The following CGNL1 variants were observed in gnomAD, a reference collection of about 807,000 sequenced individuals.
CGNL1 encodes the protein cingulin-like protein 1.
In CGNL1, 132 loss-of-function variants were observed where a neutral mutation model predicts 141.2. The ratio of observed to expected loss-of-function variants is 0.93; its 90% confidence interval spans 0.81 to 1.08. The LOEUF (loss-of-function observed/expected upper bound fraction) is 1.08. CGNL1 is among the 50% of genes least tolerant of loss of function. CGNL1 has a pLI of 0.00. For synonymous variants in CGNL1, 690 were observed against 622.1 expected (o/e 1.11, Z -1.63); for missense variants, 1,870 against 1,588.6 (o/e 1.18, Z -3.01).
intron 3 of CGNL1, 55 bp downstream of exon 3, chr15:57,440,526 T>A: frequency 1.5e-6 from 2 of 1,343,288 alleles, no homozygotes; most frequent in South Asian, 1.3e-5. Flanking sequence ...GTGGGACTCT[T>A]AATTTCCTTT....
At chr15:57,506,256 C>T (rs1328415354) in intron 8 of CGNL1, among the ~76,000 whole-genome samples, 4 of 152,200 alleles carry the variant, frequency 2.6e-5, no homozygotes, top group African/African-American at 9.6e-5. Context: ...TGGGTGGAGT[C>T]CCTTCCGCCA....
intron 3 of CGNL1, 33 bp from the exon 4 acceptor site, chr15:57,442,340 C>T: frequency 7.5e-7 from 1 of 1,341,624 alleles, no homozygotes; most frequent in Non-Finnish European, 1.1e-6. Context: ...GTGGTTGTGT[C>T]CCTCATTGTT....
intron 8 of CGNL1, among the ~76,000 whole-genome samples, chr15:57,468,212 CTT>C (rs1334012759): frequency 7.2e-6 from 1 of 139,148 alleles, no homozygotes. Flanking sequence ...TTTTTTCTTT[CTT>C]TTTCTTTTCT....
At chr15:57,472,136 G>T (rs1309273782) in intron 8 of CGNL1, among the ~76,000 whole-genome samples, 3 of 152,052 alleles carry the variant, frequency 2.0e-5, no homozygotes, top group African/African-American at 4.8e-5. Context: ...AGTTCAGGGA[G>T]GGAGAAAAAG....
intron 10 of CGNL1, among the ~76,000 whole-genome samples, chr15:57,518,731 C>T (rs1163506018): frequency 5.3e-5 from 8 of 152,190 alleles, no homozygotes; most frequent in Admixed American, 1.3e-4. Context: ...ATGCTACTGG[C>T]GCCTCGTGGG....
intron 1 of CGNL1, among the ~76,000 whole-genome samples, chr15:57,399,203 A>G (rs1382281301): frequency 6.6e-6 from 1 of 152,208 alleles, no homozygotes. Context: ...TGCATTGTGA[A>G]CATTTGAAAT....
chr15:57,396,376 T>C (rs7177920), intron 1 of CGNL1, among the ~76,000 whole-genome samples: 66,279 of 150,752 alleles, frequency 0.44, 14,782 homozygotes, highest in East Asian at 0.67. Flanking sequence ...TGGGTTCAGG[T>C]GATTCTTCTG....
rs943598317 is a variant in CGNL1 at position 57,506,592 on chromosome 15, C to T, written c.2404-10188C>T. On this transcript the variant is annotated intron_variant, in intron 8 of 18. Coordinates refer to ENST00000281282, the MANE Select transcript of CGNL1 (RefSeq NM_032866.5). Reference sequence around the variant, plus strand: ...CCCCAGCTGGCAGGTTCGGGGCCTCCTTTTCCCTTCCCTGGCTGGCTCTGG... The same window carrying T: ...CCCCAGCTGGCAGGTTCGGGGCCTCTTTTTCCCTTCCCTGGCTGGCTCTGG... Among the ~76,000 whole-genome samples the T allele has an allele frequency of 3.3e-5, 5 of 152,206 alleles. No individual in the cohort carries two copies. The South Asian group carries it at 1.0e-3, about 32-fold the overall frequency.
intron 1 of CGNL1, among the ~76,000 whole-genome samples, chr15:57,377,942 A>C (rs1393419387): frequency 1.3e-5 from 2 of 152,240 alleles, no homozygotes; most frequent in Non-Finnish European, 1.5e-5. Flanking sequence ...ATTTTCCTTC[A>C]AAAAGCCAAA....
intron 1 of CGNL1, among the ~76,000 whole-genome samples, chr15:57,378,361 G>GTGTTTTT (rs2062387927): frequency 2.3e-5 from 1 of 42,854 alleles, no homozygotes; most frequent in Non-Finnish European, 4.7e-5. Context: ...GGCCCTCTAT[G>GTGTTTTT]TGTTTTTTTT....
rs576755651 is a variant in CGNL1, at chr15:57,453,698, G to A, written c.2070G>A (p.Lys690=). The part of the protein sequence containing the change: ...RKNLEELFQV[K]MEREQHQTEI... ...TCCCTGCCAGGCTATTCCAGGTGAAGATGGAACGGGAGCAGCATCAGACTG... is the reference window on the plus strand; with the variant it reads ...TCCCTGCCAGGCTATTCCAGGTGAAAATGGAACGGGAGCAGCATCAGACTG... Residue 690 remains lysine, a synonymous_variant, in exon 7 of 19, where the codon AAG becomes AAA. Transcript: ENST00000281282. 7.7e-5 allele frequency: 124 copies of A among 1,613,876 alleles called. 1 individual carries two copies. In the South Asian group the frequency reaches 1.3e-3, roughly 17 times the overall value.
intron 13 of CGNL1, among the ~76,000 whole-genome samples, chr15:57,529,559 A>AAC (rs10593466): frequency 0.045 from 6,166 of 137,856 alleles, 171 homozygotes; most frequent in East Asian, 0.062. Context: ...AACCCCCAGA[A>AAC]ACACACACAC....
intron 18 of CGNL1, among the ~76,000 whole-genome samples, chr15:57,546,578 T>C (rs778128158): frequency 6.6e-6 from 1 of 152,140 alleles, no homozygotes; most frequent in African/African-American, 2.4e-5. Flanking sequence ...TGGGCTTTTT[T>C]CTGACTTAGG....
At chr15:57,431,399 T>C (rs1158269090) in intron 1 of CGNL1, among the ~76,000 whole-genome samples, 2 of 152,220 alleles carry the variant, frequency 1.3e-5, no homozygotes, top group African/African-American at 4.8e-5. Flanking sequence ...ACAAAACACG[T>C]AGAGAGAAAA....
intron 5 of CGNL1, 141 bp from the exon 6 acceptor site, chr15:57,452,000 G>A (rs183224159): frequency 9.7e-5 from 62 of 642,096 alleles, no homozygotes; most frequent in Admixed American, 7.7e-4. Context: ...AAGAACTCCT[G>A]TGCCTTAATT....
Position 57,461,787 on chromosome 15 carries a change from C to T in CGNL1, c.2298C>T (p.Ala766=). 3.7e-6 allele frequency: 6 copies of T among 1,614,060 alleles called. No individual in the cohort carries two copies. The highest frequency in any genetic ancestry group is 5.1e-6 in the Non-Finnish European group (6 of 1,180,004). ...RERELTALKG[A]LKEEVSSHDQ... is the part of the protein sequence containing the mutation. ...GTGAACTCACCGCCCTGAAGGGAGC[C>T]CTGAAAGAAGAGGTTTCCAGCCATG... The change falls in exon 8 of 19, where the codon GCC becomes GCT. Residue 766 remains alanine (A), a synonymous_variant. Transcript: ENST00000281282.
chr15:57,501,813 T>G (rs1263360443), intron 8 of CGNL1, among the ~76,000 whole-genome samples: 1 of 151,932 alleles, frequency 6.6e-6, no homozygotes, highest in Non-Finnish European at 1.5e-5. Context: ...GAAGCAGCAG[T>G]GGGACCCCAG....
rs772118237 is a variant in CGNL1 at position 57,438,707 on chromosome 15, C to A, written c.708C>A (p.Asn236Lys). The A allele has an allele frequency of 1.8e-5, 29 of 1,614,148 alleles. No homozygotes were observed. Among genetic ancestry groups the A allele is most frequent in the Non-Finnish European group, 2.2e-5 (26 of 1,180,022 alleles). The stretch of plus-strand genomic sequence containing the variant: ...AAAAGCAGACCTCAGTGTGTGTAAA[C>A]GTTCAGAGCTGCACCAAGGAGAGGG... Reference protein sequence around the residue: ...DPKKQTSVCVNVQSCTKERVG... With the variant: ...DPKKQTSVCVKVQSCTKERVG... The change falls in exon 2 of 19, where the codon AAC becomes AAA. Residue 236 changes from asparagine (N) to lysine (K), a missense_variant. By Grantham distance (94) the Asn-to-Lys change is moderately conservative. Coordinates refer to ENST00000281282, the MANE Select transcript of CGNL1 (RefSeq NM_032866.5).
rs542122721 is a variant in CGNL1, at chr15:57,455,691, A to G, written c.2190+1873A>G. On this transcript the variant is annotated intron_variant, in intron 7 of 18. Coordinates refer to ENST00000281282, the MANE Select transcript of CGNL1 (RefSeq NM_032866.5). ...CTTTTAAAATGTCACCATTTTTTAAAAAAGGGAATAATTCTGAAATGAACT... is the reference window on the plus strand; with the variant it reads ...CTTTTAAAATGTCACCATTTTTTAAGAAAGGGAATAATTCTGAAATGAACT... Among the ~76,000 whole-genome samples, 4 of 152,340 alleles carry G rather than the reference A, an allele frequency of 2.6e-5. No individual in the cohort carries two copies. The South Asian group carries it at 8.3e-4, about 32-fold the overall frequency.
Sources: allele counts gnomAD v4.1 joint callset (sites outside exome capture counted in the v4.1 genomes callset), GRCh38; gene constraint gnomAD v4.1.1; transcripts MANE v1.5; gene names NCBI Gene and HGNC (gene_info 2026-07-23, HGNC 2026-07-21).